IFIT5: variants seen among roughly 807,000 people sequenced by gnomAD.
The protein encoded by IFIT5 is interferon induced protein with tetratricopeptide repeats 5, also known as interferon-induced protein with tetratricopeptide repeats 5.
A neutral mutation model predicts 5.0 loss-of-function variants in IFIT5; 2 were observed. The observed-to-expected ratio is 0.40, with a 90% CI of 0.16 to 1.26. The LOEUF (loss-of-function observed/expected upper bound fraction) is 1.26, where lower values mean the gene tolerates loss of function less well. Ranked by LOEUF, IFIT5 falls within the 50% of genes most tolerant of loss-of-function variation. IFIT5 has a pLI of 0.33. For synonymous variants in IFIT5, 206 were observed against 204.6 expected (o/e 1.01, Z -0.06); for missense variants, 524 against 563.2 (o/e 0.93, Z 0.70).
intron 1 of IFIT5, 52 bp from the exon 2 acceptor site, chr10:89,417,153 A>T: frequency 7.0e-7 from 1 of 1,428,220 alleles, no homozygotes; most frequent in Non-Finnish European, 9.4e-7. Context: ...AAGGTTTAGA[A>T]AATTATTTCT....
In IFIT5 at chr10:89,417,752, TATCGGCTGG is replaced by T; in HGVS notation, c.556_564del (p.Arg186_Asp188del). On this transcript the variant is annotated inframe_deletion, in exon 2 of 2. Transcript: ENST00000371795. ...TAACATCGGCTATGCTATCACAGTGTATCGGCTGGATGATTCTGATAGAGAAGGGTCTGT... is the reference window on the plus strand; with the variant it reads ...TAACATCGGCTATGCTATCACAGTGTATGATTCTGATAGAGAAGGGTCTGT... 1 of 1,614,184 alleles carries T rather than the reference TATCGGCTGG, an allele frequency of 6.2e-7. No individual in the cohort carries two copies. The highest frequency in any genetic ancestry group is 1.7e-5 in the Admixed American group (1 of 60,024).
rs781096915 is a variant in IFIT5 at position 89,417,663 on chromosome 10, A to G, written c.464A>G (p.Tyr155Cys). ...GCACTCTTGAAATTTGGAGGAAAGT[A>G]TTATCAAAAGGCTAAAGCGGCTTTT... ...GWALLKFGGKYYQKAKAAFEK... is the reference protein window; with the variant it reads ...GWALLKFGGKCYQKAKAAFEK... Residue 155 changes from tyrosine to cysteine, a missense_variant, in exon 2 of 2, where the codon TAT (tyrosine) becomes TGT (cysteine). Physicochemically the swap from Tyr to Cys is radical, Grantham distance 194. Coordinates refer to ENST00000371795, the MANE Select transcript of IFIT5 (RefSeq NM_012420.3). The G allele has an allele frequency of 1.2e-6, 2 of 1,614,224 alleles. No individual in the cohort carries two copies. Among genetic ancestry groups the G allele is most frequent in the Middle Eastern group, 3.3e-4 (2 of 6,062 alleles).
intron 1 of IFIT5, among the ~76,000 whole-genome samples, chr10:89,416,472 C>T (rs1841539184): frequency 6.6e-6 from 1 of 152,228 alleles, no homozygotes; most frequent in Non-Finnish European, 1.5e-5. Context: ...GCAATAGCTT[C>T]TCTCTTATTA....
In IFIT5 at chr10:89,414,744, G is replaced by C. The variant is rs903635441; in HGVS notation, c.-55G>C. On this transcript the variant is annotated 5_prime_UTR_variant, in exon 1 of 2. Coordinates refer to ENST00000371795, the MANE Select transcript of IFIT5 (RefSeq NM_012420.3). ...GCTTCCCGCGGTCCCCGGTGCTGAGGAGAGAGCGATCCGAGGGACTGCGCC... is the reference window on the plus strand; with the variant it reads ...GCTTCCCGCGGTCCCCGGTGCTGAGCAGAGAGCGATCCGAGGGACTGCGCC... The C allele has an allele frequency of 3.1e-6, 5 of 1,597,996 alleles. No homozygotes were observed. The highest frequency in any genetic ancestry group is 1.1e-5 in the South Asian group (1 of 89,494).
At position 89,417,696 on chromosome 10, in the gene IFIT5, C is replaced by G. The variant is rs1161018683; in HGVS notation, c.497C>G (p.Ala166Gly). The G allele has an allele frequency of 6.2e-7, 1 of 1,614,186 alleles. No individual in the cohort carries two copies. The highest frequency in any genetic ancestry group is 1.1e-5 in the South Asian group (1 of 91,086). The change falls in exon 2 of 2, where the codon GCT becomes GGT. Residue 166 changes from alanine (A) to glycine (G), a missense_variant. Transcript: ENST00000371795. The part of the protein sequence containing the change: ...YQKAKAAFEK[A>G]LEVEPDNPEF... The stretch of plus-strand genomic sequence containing the variant: ...AAGGCTAAAGCGGCTTTTGAGAAGG[C>G]TCTGGAAGTGGAGCCTGACAATCCA...
Position 89,414,766 on chromosome 10 carries a change from C to T in IFIT5, c.-33C>T. On this transcript the variant is annotated 5_prime_UTR_variant, in exon 1 of 2. Coordinates refer to ENST00000371795, the MANE Select transcript of IFIT5 (RefSeq NM_012420.3). The stretch of plus-strand genomic sequence containing the variant: ...GAGGAGAGAGCGATCCGAGGGACTG[C>T]GCCGCCCGGACGGCCTGCAGAGCGC... 6.2e-7 allele frequency: 1 copy of T among 1,606,100 alleles called. No individual in the cohort carries two copies. The highest frequency in any genetic ancestry group is 1.7e-5 in the Admixed American group (1 of 59,488).
rs1346975037 is a variant in IFIT5 at position 89,418,529 on chromosome 10, G to C, written c.1330G>C (p.Val444Leu). The C allele has an allele frequency of 6.2e-7, 1 of 1,614,148 alleles. No individual in the cohort carries two copies. The highest frequency in any genetic ancestry group is 8.5e-7 in the Non-Finnish European group (1 of 1,180,002). The part of the protein sequence containing the change: ...DVQSLSALGF[V>L]YKLEGEKRQA... ...GCAGAGTTTAAGTGCCCTAGGGTTT[G>C]TTTACAAGCTGGAAGGAGAAAAGAG... The change falls in exon 2 of 2, where the codon GTT (valine) becomes CTT (leucine). Residue 444 changes from valine to leucine, a missense_variant. Physicochemically the swap from Val to Leu is conservative, Grantham distance 32. Transcript: ENST00000371795.
At position 89,414,809 on chromosome 10, in the gene IFIT5, G is replaced by C. The variant is rs12762146; in HGVS notation, c.5+6G>C. On this transcript the variant is annotated splice_donor_region_variant and intron_variant, in intron 1 of 1. Transcript: ENST00000371795. ...CAGAGCGCTGCCATCATGAGGTAAG[G>C]GTTTTCCTTTGCCTCTCCTCCCAAG... 9.9e-6 allele frequency: 16 copies of C among 1,609,870 alleles called. 1 individual carries two copies. Among genetic ancestry groups the C allele is most frequent in the Non-Finnish European group, 1.3e-5 (15 of 1,178,388 alleles).
chr10:89,414,823 TCTC>T lies in IFIT5; in HGVS notation c.5+25_5+27del. The T allele has an allele frequency of 6.2e-7, 1 of 1,608,188 alleles. No homozygotes were observed. The highest frequency in any genetic ancestry group is 2.3e-5 in the East Asian group (1 of 44,268). Reference sequence around the variant, plus strand: ...CATGAGGTAAGGGTTTTCCTTTGCCTCTCCTCCCAAGCCCTGCGTCGGCCTTGG... The same window carrying T: ...CATGAGGTAAGGGTTTTCCTTTGCCTCTCCCAAGCCCTGCGTCGGCCTTGG... On this transcript the variant is annotated intron_variant, in intron 1 of 1. Coordinates refer to ENST00000371795, the MANE Select transcript of IFIT5 (RefSeq NM_012420.3).
chr10:89,417,620 G>A lies in IFIT5; in HGVS notation c.421G>A (p.Asp141Asn), dbSNP rs1047271000. ...SNYKLECPET[D>N]CEKGWALLKF... ...CTACAAGTTGGAGTGTCCTGAGACTGACTGTGAGAAAGGCTGGGCACTCTT... is the reference window on the plus strand; with the variant it reads ...CTACAAGTTGGAGTGTCCTGAGACTAACTGTGAGAAAGGCTGGGCACTCTT... The change falls in exon 2 of 2, where the codon GAC (aspartate) becomes AAC (asparagine). Residue 141 changes from aspartate to asparagine, a missense_variant. Coordinates refer to ENST00000371795, the MANE Select transcript of IFIT5 (RefSeq NM_012420.3). The A allele has an allele frequency of 4.3e-6, 7 of 1,614,122 alleles. No homozygotes were observed. The highest frequency in any genetic ancestry group is 5.1e-6 in the Non-Finnish European group (6 of 1,180,052).
chr10:89,417,677 A>G lies in IFIT5; in HGVS notation c.478A>G (p.Lys160Glu), dbSNP rs770386784. Reference protein sequence around the residue: ...KFGGKYYQKAKAAFEKALEVE... With the variant: ...KFGGKYYQKAEAAFEKALEVE... ...TGGAGGAAAGTATTATCAAAAGGCT[A>G]AAGCGGCTTTTGAGAAGGCTCTGGA... is the stretch of plus-strand genomic sequence containing the variant. The change falls in exon 2 of 2, where the codon AAA (lysine) becomes GAA (glutamate). Residue 160 changes from lysine to glutamate, a missense_variant. By Grantham distance (56) the Lys-to-Glu change is moderately conservative. Transcript: ENST00000371795. 1.9e-6 allele frequency: 3 copies of G among 1,614,188 alleles called. No individual in the cohort carries two copies. The Admixed American group carries it at 5.0e-5, about 27-fold the overall frequency.
In IFIT5 at chr10:89,417,136, A is replaced by C. The variant is rs946612152; in HGVS notation, c.6-69A>C. ...TAAAATTAGTTGTTATGCAAAGAAC[A>C]ATATTTAAGGTTTAGAAAATTATTT... On this transcript the variant is annotated intron_variant, in intron 1 of 1. Transcript: ENST00000371795. 11 of 1,306,340 alleles carry C rather than the reference A, an allele frequency of 8.4e-6. No homozygotes were observed. In the Admixed American group the frequency reaches 2.6e-4, roughly 31 times the overall value. The allele number at this position is 1,306,340 out of a possible 1,614,324, so 80.9% of individuals were successfully genotyped here. A position where few individuals can be genotyped will look rare whatever the true frequency, so the allele number is the denominator to read the frequency against.
chr10:89,416,081 C>T (rs181868664), intron 1 of IFIT5, among the ~76,000 whole-genome samples: 1 of 152,304 alleles, frequency 6.6e-6, no homozygotes, highest in East Asian at 1.9e-4. Context: ...TGCCACCACG[C>T]CTGGCTAATT....
rs776952897 is a variant in IFIT5, at chr10:89,418,161, C to T, written c.962C>T (p.Ser321Leu). 1.9e-6 allele frequency: 3 copies of T among 1,614,184 alleles called. No individual in the cohort carries two copies. In the East Asian group the frequency reaches 6.7e-5, roughly 36 times the overall value. The change falls in exon 2 of 2, where the codon TCA (serine) becomes TTA (leucine). Residue 321 changes from serine to leucine, a missense_variant. Transcript: ENST00000371795. ...AAACTAAAGGTTGATGAGCTGATTT[C>T]ATCTGCTATATTTCATTTCAAAGCA... ...KDKLKVDELI[S>L]SAIFHFKAAM...
Position 89,414,697 on chromosome 10 carries a change from G to C in IFIT5, c.-102G>C, listed in dbSNP as rs1049143728. ...CTGCAGAGGCCTGGCGCGCGCACGC[G>C]CACGCGCACGCCCACCGCGCGGCTT... On this transcript the variant is annotated 5_prime_UTR_variant, in exon 1 of 2. Transcript: ENST00000371795. 3.1e-5 allele frequency: 44 copies of C among 1,432,960 alleles called. No individual in the cohort carries two copies. The African/African-American group carries it at 5.4e-4, about 17-fold the overall frequency. 88.8% of individuals were successfully genotyped at this position (1,432,960 alleles called of 1,614,324 possible).
At chr10:89,416,430 A>G (rs1841538815) in intron 1 of IFIT5, among the ~76,000 whole-genome samples, 1 of 152,252 alleles carries the variant, frequency 6.6e-6, no homozygotes, top group Admixed American at 6.5e-5. Context: ...GAAGAACAGA[A>G]TTACCGAAAG....
At position 89,414,752 on chromosome 10, in the gene IFIT5, G is replaced by T; in HGVS notation, c.-47G>T. 1 of 1,600,736 alleles carries T rather than the reference G, an allele frequency of 6.2e-7. No homozygotes were observed. The highest frequency in any genetic ancestry group is 1.7e-5 in the Admixed American group (1 of 59,012). ...CGGTCCCCGGTGCTGAGGAGAGAGC[G>T]ATCCGAGGGACTGCGCCGCCCGGAC... On this transcript the variant is annotated 5_prime_UTR_variant, in exon 1 of 2. Transcript: ENST00000371795.
In IFIT5 at chr10:89,414,630, C is replaced by G; in HGVS notation, c.-169C>G. On this transcript the variant is annotated 5_prime_UTR_variant, in exon 1 of 2. Coordinates refer to ENST00000371795, the MANE Select transcript of IFIT5 (RefSeq NM_012420.3). Reference sequence around the variant, plus strand: ...TTCCTGTTCTTGCTGGGGCTGGGGTCTCTCCTTTAACAAAGACACGCCGCG... The same window carrying G: ...TTCCTGTTCTTGCTGGGGCTGGGGTGTCTCCTTTAACAAAGACACGCCGCG... 2 of 583,592 alleles carry G rather than the reference C, an allele frequency of 3.4e-6. No individual in the cohort carries two copies. Among genetic ancestry groups the G allele is most frequent in the Non-Finnish European group, 5.6e-6 (2 of 358,822 alleles). The allele number at this position is 583,592 out of a possible 1,614,324, so 36.2% of individuals were successfully genotyped here.
At chr10:89,415,978 A>AGT (rs1841532611) in intron 1 of IFIT5, among the ~76,000 whole-genome samples, 5 of 152,218 alleles carry the variant, frequency 3.3e-5, no homozygotes, top group Non-Finnish European at 7.3e-5. Context: ...GCTGTAGTGT[A>AGT]ATGGCTCCAT....
Sources: gnomAD v4.1 joint callset for allele counts (sites outside exome capture counted in the v4.1 genomes callset) on GRCh38, gnomAD v4.1.1 for gene constraint, MANE v1.5 for transcripts, NCBI Gene and HGNC (gene_info 2026-07-23, HGNC 2026-07-21) for gene names.